Variants in RYR3 observed in about 807,000 individuals in gnomAD.
RYR3 encodes the protein brain ryanodine receptor-calcium release channel.
A neutral mutation model predicts 584.3 loss-of-function variants in RYR3; 207 were observed. That is an observed-to-expected ratio of 0.35 (90% CI 0.32 to 0.40). The LOEUF (loss-of-function observed/expected upper bound fraction) is 0.40, where lower values mean the gene tolerates loss of function less well. RYR3 is among the 10% of genes least tolerant of loss of function. RYR3 has a pLI of 1.00. For synonymous variants in RYR3, 2,416 were observed against 2,248.5 expected (o/e 1.07, Z -2.11); for missense variants, 5,616 against 6,089.2 (o/e 0.92, Z 2.59).
chr15:33,864,237 A>G (rs774815393), intron 103 of RYR3, 48 bp downstream of exon 103: 4 of 1,448,960 alleles, frequency 2.8e-6, no homozygotes, highest in Non-Finnish European at 3.8e-6. Context: ...CCTTTCCTAA[A>G]TCTTGAGACT....
At chr15:33,483,467 G>A (rs1037033452) in intron 2 of RYR3, among the ~76,000 whole-genome samples, 2 of 152,148 alleles carry the variant, frequency 1.3e-5, no homozygotes, top group Non-Finnish European at 2.9e-5. Flanking sequence ...GTAGCTGGCA[G>A]TTAAATTACT....
chr15:33,340,001 T>C (rs887729241), intron 1 of RYR3, among the ~76,000 whole-genome samples: 3 of 152,134 alleles, frequency 2.0e-5, no homozygotes, highest in Non-Finnish European at 4.4e-5. Context: ...TTGAGGTGTA[T>C]ATGAGACACT....
intron 40 of RYR3, among the ~76,000 whole-genome samples, chr15:33,699,097 G>T (rs1657564086): frequency 1.3e-5 from 2 of 152,122 alleles, no homozygotes; most frequent in Non-Finnish European, 2.9e-5. Flanking sequence ...GACAAAAGTA[G>T]TCAGGGAAGA....
At chr15:33,831,124 A>G in intron 86 of RYR3, 33 bp downstream of exon 86, 1 of 1,599,338 alleles carries the variant, frequency 6.3e-7, no homozygotes, top group Non-Finnish European at 8.5e-7. Context: ...TTGAAAACAA[A>G]GAGAACATTG....
chr15:33,417,175 CT>C (rs1318013789), intron 1 of RYR3, among the ~76,000 whole-genome samples: 2 of 151,718 alleles, frequency 1.3e-5, no homozygotes, highest in Non-Finnish European at 2.9e-5. Flanking sequence ...CTATTTGGGG[CT>C]TTTTTGGTTT....
At chr15:33,634,841 G>A in intron 25 of RYR3, 108 bp downstream of exon 25, 3 of 902,624 alleles carry the variant, frequency 3.3e-6, no homozygotes, top group Non-Finnish European at 5.3e-6. Context: ...AAATAGTATT[G>A]GGGCTGAAGA....
chr15:33,852,796 A>G (rs990795399), intron 94 of RYR3: 1 of 406,868 alleles, frequency 2.5e-6, no homozygotes, highest in African/African-American at 2.1e-5. Context: ...GCTCCAAATC[A>G]TAATTCTGAG....
intron 35 of RYR3, 102 bp downstream of exon 35, chr15:33,663,050 T>C: frequency 3.8e-6 from 4 of 1,056,552 alleles, no homozygotes; most frequent in South Asian, 1.5e-5. Context: ...GTATGTCAAG[T>C]GCTTGGCATA....
chr15:33,860,930 ATGTATGGCACTACTG>A, intron 101 of RYR3, 133 bp from the exon 102 acceptor site: 2 of 563,914 alleles, frequency 3.5e-6, no homozygotes, highest in South Asian at 2.6e-5. Flanking sequence ...CTAATAGCCA[ATGTATGGCACTACTG>A]AGTGAATGAC....
At chr15:33,600,370 G>A (rs977186194) in intron 16 of RYR3, among the ~76,000 whole-genome samples, 2 of 152,078 alleles carry the variant, frequency 1.3e-5, no homozygotes, top group African/African-American at 2.4e-5. Flanking sequence ...CTGCCATATC[G>A]TGGCTGTTAT....
chr15:33,328,935 T>C (rs1250574582), intron 1 of RYR3, among the ~76,000 whole-genome samples: 1 of 152,236 alleles, frequency 6.6e-6, no homozygotes, highest in African/African-American at 2.4e-5. Flanking sequence ...TTTCTTGCTT[T>C]CCTTTTTCAG....
chr15:33,670,304 TA>T (rs2063768021), intron 37 of RYR3, 114 bp from the exon 38 acceptor site: 2 of 1,033,950 alleles, frequency 1.9e-6, no homozygotes. Flanking sequence ...AGAAAGCCTG[TA>T]GTATCTTTAG....
In RYR3 at chr15:33,736,245, C is replaced by T. The variant is rs2069449928; in HGVS notation, c.7435C>T (p.Pro2479Ser). The T allele has an allele frequency of 1.9e-6, 3 of 1,609,142 alleles. No homozygotes were observed. The highest frequency in any genetic ancestry group is 1.3e-5 in the African/African-American group (1 of 74,786). ...CLLAICNHLR[P>S]SMLQQLLRRL... ...CATTTCATACTGCAGTCACTTGAGG[C>T]CTTCCATGTTACAGCAACTCCTGCG... Residue 2479 changes from proline (P) to serine (S), a missense_variant, in exon 49 of 104, where the codon CCT becomes TCT. By Grantham distance (74) the Pro-to-Ser change is moderately conservative. This residue lies in a region of RYR3 where 1,280 missense variants were observed against 1,426.2 expected (regional missense o/e 0.90). Coordinates refer to ENST00000634891, the MANE Select transcript of RYR3 (RefSeq NM_001036.6).
At chr15:33,571,848 G>A (rs2058045206) in intron 12 of RYR3, among the ~76,000 whole-genome samples, 1 of 151,924 alleles carries the variant, frequency 6.6e-6, no homozygotes, top group Non-Finnish European at 1.5e-5. Context: ...TATTTCTTAT[G>A]TTTCTTTTGT....
chr15:33,475,820 T>TAA (rs2049323488), intron 2 of RYR3, among the ~76,000 whole-genome samples: 1 of 152,244 alleles, frequency 6.6e-6, no homozygotes, highest in African/African-American at 2.4e-5. Context: ...GTAAATCGCC[T>TAA]AGTGCATTGT....
intron 63 of RYR3, 141 bp downstream of exon 63, chr15:33,772,299 G>T (rs953804220): frequency 4.4e-6 from 2 of 458,910 alleles, no homozygotes; most frequent in South Asian, 6.3e-5. Context: ...GATTAAAAAA[G>T]AAGAAGAAGA....
chr15:33,840,477 C>A, intron 89 of RYR3: 1 of 269,554 alleles, frequency 3.7e-6, no homozygotes, highest in Non-Finnish European at 7.0e-6. Flanking sequence ...CAGATGGAGG[C>A]AGGCTGATCA....
chr15:33,663,659 G>C lies in RYR3; in HGVS notation c.5541G>C (p.Glu1847Asp). The stretch of plus-strand genomic sequence containing the variant: ...CAAATCAGAAGTTCCGCTACAATGA[G>C]CTCATGCAGGCCCTGAACATGTCTG... ...LQANQKFRYNELMQALNMSAA... is the reference protein window; with the variant it reads ...LQANQKFRYNDLMQALNMSAA... The change falls in exon 36 of 104, where the codon GAG (glutamate) becomes GAC (aspartate). Residue 1847 changes from glutamate to aspartate, a missense_variant. Physicochemically the swap from Glu to Asp is conservative, Grantham distance 45. Transcript: ENST00000634891. The C allele has an allele frequency of 6.2e-7, 1 of 1,613,006 alleles. No homozygotes were observed. The highest frequency in any genetic ancestry group is 2.2e-5 in the East Asian group (1 of 44,870).
intron 39 of RYR3, among the ~76,000 whole-genome samples, chr15:33,696,977 A>C (rs896278508): frequency 6.6e-6 from 1 of 152,172 alleles, no homozygotes; most frequent in African/African-American, 2.4e-5. Flanking sequence ...CATGTAGTCA[A>C]AAAAAATTCA....
Sources: allele counts gnomAD v4.1 joint callset (sites outside exome capture counted in the v4.1 genomes callset), GRCh38; gene constraint gnomAD v4.1.1; regional missense constraint gnomAD v4.1.1; transcripts MANE v1.5; gene names NCBI Gene and HGNC (gene_info 2026-07-23, HGNC 2026-07-21).